The following LIG3 variants were observed in gnomAD, a reference collection of about 807,000 sequenced individuals.
LIG3 encodes ligase II, DNA, ATP-dependent.
Under a neutral mutation model 110.9 loss-of-function variants are expected in LIG3, and 58 were observed. The ratio of observed to expected loss-of-function variants is 0.52; its 90% confidence interval spans 0.42 to 0.65. LIG3 has a LOEUF of 0.65. LIG3 is among the 30% of genes least tolerant of loss of function. The pLI, the probability that LIG3 is intolerant of heterozygous loss-of-function variation, is 0.00. For synonymous variants in LIG3, 422 were observed against 472.8 expected (o/e 0.89, Z 1.39); for missense variants, 1,094 against 1,273.8 (o/e 0.86, Z 2.15).
At chr17:34,998,783 G>A in intron 14 of LIG3, 56 bp downstream of exon 14, 3 of 1,571,328 alleles carry the variant, frequency 1.9e-6, no homozygotes, top group Non-Finnish European at 1.7e-6. Context: ...ACCGCTTGAG[G>A]TACAGGCTGG....
At chr17:34,997,296 G>C (rs1484540792) in intron 11 of LIG3, 1 of 176,782 alleles carries the variant, frequency 5.7e-6, no homozygotes, top group Non-Finnish European at 1.2e-5. Flanking sequence ...GAAGGAAGTA[G>C]AGAGGGAAGG....
At chr17:34,986,180 T>A in intron 3 of LIG3, 49 bp downstream of exon 3, 2 of 1,574,228 alleles carry the variant, frequency 1.3e-6, no homozygotes, top group Non-Finnish European at 1.7e-6. Flanking sequence ...GCTTTTATTT[T>A]GTATTCTACC....
chr17:35,002,065 A>G lies in LIG3; in HGVS notation c.2635A>G (p.Lys879Glu). The G allele has an allele frequency of 6.3e-7, 1 of 1,596,230 alleles. No homozygotes were observed. Among genetic ancestry groups the G allele is most frequent in the Non-Finnish European group, 8.5e-7 (1 of 1,173,264 alleles). Reference protein sequence around the residue: ...APSKPSASTKKAEGKLSNSNS... With the variant: ...APSKPSASTKEAEGKLSNSNS... The stretch of plus-strand genomic sequence containing the variant: ...CAGCAAGCCCTCAGCCAGTACCAAG[A>G]AAGCAGAAGGGAAGCTGAGTAACTC... The change falls in exon 18 of 20, where the codon AAA becomes GAA. Residue 879 changes from lysine (K) to glutamate (E), a missense_variant. Physicochemically the swap from Lys to Glu is moderately conservative, Grantham distance 56. Coordinates refer to ENST00000378526, the MANE Select transcript of LIG3 (RefSeq NM_013975.4).
chr17:34,994,046 G>A (rs2090752942), intron 8 of LIG3: 1 of 434,924 alleles, frequency 2.3e-6, no homozygotes, highest in Non-Finnish European at 4.0e-6. Flanking sequence ...TTCCTCAAAA[G>A]GCAAGCTCCT....
rs3135997 is a variant in LIG3, at chr17:34,995,109, A to G, written c.1611+678A>G. ...TAGCTTGTGAGCAGATGGAATTCCT[A>G]TCTTTGCTATCCTTTTCTTTCCTAA... is the stretch of plus-strand genomic sequence containing the variant. On this transcript the variant is annotated intron_variant, in intron 9 of 19. Coordinates refer to ENST00000378526, the MANE Select transcript of LIG3 (RefSeq NM_013975.4). Among the ~76,000 whole-genome samples the G allele has an allele frequency of 4.4e-3, 670 of 152,272 alleles. 2 individuals are homozygous for G. The highest frequency in any genetic ancestry group is 8.0e-3 in the Non-Finnish European group (543 of 68,024).
intron 3 of LIG3, 30 bp from the exon 4 acceptor site, chr17:34,989,436 A>G (rs1304337944): frequency 6.3e-7 from 1 of 1,589,708 alleles, no homozygotes; most frequent in Non-Finnish European, 8.6e-7. Context: ...GAAAGGCAGA[A>G]TGAATTCATC....
At chr17:34,989,095 G>T (rs931704247) in intron 3 of LIG3, among the ~76,000 whole-genome samples, 7 of 152,030 alleles carry the variant, frequency 4.6e-5, no homozygotes, top group African/African-American at 1.2e-4. Flanking sequence ...TCCCGCGTTG[G>T]CCTCGCATAG....
At chr17:34,991,324 G>T (rs2090718614) in intron 5 of LIG3, 2 of 589,432 alleles carry the variant, frequency 3.4e-6, no homozygotes, top group African/African-American at 3.7e-5. Context: ...CCATACAACT[G>T]CTGAACCACA....
At chr17:34,986,898 C>CA (rs1473099790) in intron 3 of LIG3, among the ~76,000 whole-genome samples, 1 of 152,090 alleles carries the variant, frequency 6.6e-6, no homozygotes, top group Non-Finnish European at 1.5e-5. Context: ...ACTGGAACTT[C>CA]ATGGAACACA....
chr17:35,003,274 G>A (rs1185732658), intron 19 of LIG3: 3 of 1,023,834 alleles, frequency 2.9e-6, no homozygotes, highest in Non-Finnish European at 4.1e-6. Flanking sequence ...TTTCTTGTCA[G>A]TCTTGGGTTT....
chr17:34,994,874 C>T (rs1296076296), intron 9 of LIG3, among the ~76,000 whole-genome samples: 1 of 152,076 alleles, frequency 6.6e-6, no homozygotes, highest in East Asian at 1.9e-4. Context: ...GGGGATATAG[C>T]AGTGGAAAAA....
In LIG3 at chr17:34,991,127, G is replaced by A. The variant is rs1204157491; in HGVS notation, c.1041+13G>A. On this transcript the variant is annotated intron_variant, in intron 5 of 19. Coordinates refer to ENST00000378526, the MANE Select transcript of LIG3 (RefSeq NM_013975.4). ...GGACCTAGAGCAGGTCAGAGGAACG[G>A]GAGGGAGGGTAGGCTACATTCCAGG... 6.2e-7 allele frequency: 1 copy of A among 1,613,306 alleles called. No individual in the cohort carries two copies. Among genetic ancestry groups the A allele is most frequent in the African/African-American group, 1.3e-5 (1 of 74,880 alleles).
Position 34,989,527 on chromosome 17 carries a change from A to G in LIG3, c.753A>G (p.Ser251=), listed in dbSNP as rs1220306245. The change falls in exon 4 of 20, where the codon TCA becomes TCG. Residue 251 remains serine (S), a synonymous_variant. Transcript: ENST00000378526. ...CCACCCCTAAGAGAAGTCTGTCTTC[A>G]AGCAAATGTGACCCCAGGCATAAGG... The part of the protein sequence containing the change: ...SSPTPKRSLS[S]SKCDPRHKDC... 3.7e-6 allele frequency: 6 copies of G among 1,613,962 alleles called. No homozygotes were observed. The highest frequency in any genetic ancestry group is 5.1e-6 in the Non-Finnish European group (6 of 1,180,030).
At position 34,986,777 on chromosome 17, in the gene LIG3, A is replaced by T. The variant is rs2090660383; in HGVS notation, c.691+646A>T. Among the ~76,000 whole-genome samples the T allele has an allele frequency of 3.3e-5, 5 of 152,254 alleles. No individual in the cohort carries two copies. In the South Asian group the frequency reaches 1.0e-3, roughly 31 times the overall value. ...TACTTCCTTGTGTTTTGATAATGAA[A>T]GAATTTTGAGAAATTGTTTCCCTGA... is the stretch of plus-strand genomic sequence containing the variant. On this transcript the variant is annotated intron_variant, in intron 3 of 19. Coordinates refer to ENST00000378526, the MANE Select transcript of LIG3 (RefSeq NM_013975.4).
Position 34,996,559 on chromosome 17 carries a change from C to T in LIG3, c.1744-15C>T, listed in dbSNP as rs1442184033. On this transcript the variant is annotated splice_polypyrimidine_tract_variant and intron_variant, in intron 10 of 19. Transcript: ENST00000378526. ...TTTGTCCTATGTGTACCTACTACCT[C>T]ATTTTCCCTTACAGAAAGCAGCCTT... is the stretch of plus-strand genomic sequence containing the variant. 6.2e-7 allele frequency: 1 copy of T among 1,608,406 alleles called. No individual in the cohort carries two copies. The highest frequency in any genetic ancestry group is 8.5e-7 in the Non-Finnish European group (1 of 1,175,182).
chr17:34,995,536 C>G (rs769747465), intron 9 of LIG3, among the ~76,000 whole-genome samples: 1 of 152,164 alleles, frequency 6.6e-6, no homozygotes, highest in South Asian at 2.1e-4. Context: ...CATGGATGTG[C>G]TGGCCTTTCC....
At chr17:34,988,815 T>C (rs2090686451) in intron 3 of LIG3, among the ~76,000 whole-genome samples, 1 of 152,172 alleles carries the variant, frequency 6.6e-6, no homozygotes, top group African/African-American at 2.4e-5. Context: ...GGCCAGGAAG[T>C]CATTTGCTCT....
Position 35,005,335 on chromosome 17 carries a change from C to A in LIG3, c.*829C>A. On this transcript the variant is annotated 3_prime_UTR_variant, in exon 20 of 20. Coordinates refer to ENST00000378526, the MANE Select transcript of LIG3 (RefSeq NM_013975.4). ...TGTACCATATCCCATTCTTAGTGCT[C>A]GAGTGTTCCAACCTGAAGTTGAAGA... The A allele has an allele frequency of 1.8e-6, 1 of 552,176 alleles. No individual in the cohort carries two copies. Among genetic ancestry groups the A allele is most frequent in the South Asian group, 1.4e-5 (1 of 72,518 alleles). 34.2% of individuals were successfully genotyped at this position (552,176 alleles called of 1,614,324 possible). A position where few individuals can be genotyped will look rare whatever the true frequency, so the allele number is the denominator to read the frequency against.
At chr17:35,002,968 AC>A in intron 19 of LIG3, 179 bp downstream of exon 19, 1 of 1,613,894 alleles carries the variant, frequency 6.2e-7, no homozygotes, top group Non-Finnish European at 8.5e-7. Context: ...GCTGCTGCTC[AC>A]CCTATGTCCT....
Sources: allele counts gnomAD v4.1 joint callset (sites outside exome capture counted in the v4.1 genomes callset), GRCh38; gene constraint gnomAD v4.1.1; transcripts MANE v1.5; gene names NCBI Gene and HGNC (gene_info 2026-07-23, HGNC 2026-07-21).